PRKG1: variants seen among roughly 807,000 people sequenced by gnomAD.
PRKG1 encodes the protein protein kinase cGMP-dependent 1.
PRKG1 carries 35 observed loss-of-function variants against 88.1 expected under a neutral mutation model. The observed-to-expected ratio is 0.40, with a 90% CI of 0.30 to 0.53. The LOEUF (loss-of-function observed/expected upper bound fraction) is 0.53, where lower values mean the gene tolerates loss of function less well. PRKG1 is among the 20% of genes least tolerant of loss of function. The probability of loss-of-function intolerance (pLI) is 0.59; values close to 1 mark genes in which losing one functional copy is unlikely to be tolerated. For missense variants in PRKG1, 540 were observed against 839.8 expected, an observed-to-expected ratio of 0.64 and a Z score of 4.41; for synonymous variants, 303 against 292.5, an observed-to-expected ratio of 1.04 and a Z score of -0.37.
chr10:51,875,836 C>T (rs1289020864), intron 4 of PRKG1, among the ~76,000 whole-genome samples: 1 of 151,998 alleles, frequency 6.6e-6, no homozygotes, highest in Non-Finnish European at 1.5e-5. Context: ...TTCTTCAAGT[C>T]GTTGTGGCCA....
intron 3 of PRKG1, among the ~76,000 whole-genome samples, chr10:51,650,957 G>A (rs1028990571): frequency 6.6e-6 from 1 of 152,136 alleles, no homozygotes; most frequent in Non-Finnish European, 1.5e-5. Flanking sequence ...CTCAACTGGG[G>A]GCGATTGTAC....
intron 2 of PRKG1, among the ~76,000 whole-genome samples, chr10:51,353,329 G>A (rs1267168832): frequency 1.3e-5 from 2 of 152,048 alleles, no homozygotes. Flanking sequence ...CTTCTGCACA[G>A]CAAAAGAAAC....
intron 1 of PRKG1, among the ~76,000 whole-genome samples, chr10:51,051,982 A>G (rs965121398): frequency 1.3e-5 from 2 of 152,178 alleles, no homozygotes; most frequent in Admixed American, 1.3e-4. Context: ...CTTAAAATGC[A>G]AGTTACTATT....
chr10:51,452,561 G>C lies in PRKG1; in HGVS notation c.479-15162G>C, dbSNP rs553470815. 3.9e-5 allele frequency among the ~76,000 whole-genome samples: 6 copies of C among 152,030 alleles called. No individual in the cohort carries two copies. In the South Asian group the frequency reaches 1.2e-3, roughly 32 times the overall value. ...CTGTTGAGATGATCATATGATTTTT[G>C]TTTTTAATTCTGCTTATGTGATATA... is the stretch of plus-strand genomic sequence containing the variant. On this transcript the variant is annotated intron_variant, in intron 2 of 17. Transcript: ENST00000373980.
At chr10:52,044,494 A>G (rs950921424) in intron 5 of PRKG1, among the ~76,000 whole-genome samples, 7 of 152,188 alleles carry the variant, frequency 4.6e-5, no homozygotes, top group African/African-American at 1.7e-4. Flanking sequence ...ACTAAGAATG[A>G]TTTGATGTAG....
At chr10:51,637,683 CT>C (rs1839692784) in intron 3 of PRKG1, among the ~76,000 whole-genome samples, 1 of 152,132 alleles carries the variant, frequency 6.6e-6, no homozygotes, top group East Asian at 1.9e-4. Flanking sequence ...AAACCAAATA[CT>C]GCATGTTCTC....
At chr10:52,122,980 T>A (rs1847854603) in intron 7 of PRKG1, among the ~76,000 whole-genome samples, 1 of 152,210 alleles carries the variant, frequency 6.6e-6, no homozygotes, top group African/African-American at 2.4e-5. Context: ...AATTACTTTT[T>A]CTTCCCCTTT....
At chr10:51,327,633 T>TTG (rs1841626390) in intron 2 of PRKG1, among the ~76,000 whole-genome samples, 1 of 152,196 alleles carries the variant, frequency 6.6e-6, no homozygotes, top group Non-Finnish European at 1.5e-5. Context: ...CTGGATGCTA[T>TTG]AACCTACTAC....
At chr10:52,072,701 C>T (rs571124751) in intron 7 of PRKG1, among the ~76,000 whole-genome samples, 13 of 152,240 alleles carry the variant, frequency 8.5e-5, no homozygotes, top group Admixed American at 7.9e-4. Flanking sequence ...CTCATAATAA[C>T]GAATCCTGTT....
At chr10:51,019,660 TA>T (rs1332789286) in intron 1 of PRKG1, among the ~76,000 whole-genome samples, 1 of 151,296 alleles carries the variant, frequency 6.6e-6, no homozygotes, top group Non-Finnish European at 1.5e-5. Flanking sequence ...TCATGAAAAT[TA>T]AAAAAAATTG....
intron 4 of PRKG1, among the ~76,000 whole-genome samples, chr10:51,847,263 A>G (rs1020950106): frequency 2.0e-5 from 3 of 152,226 alleles, no homozygotes; most frequent in African/African-American, 7.2e-5. Context: ...TGAACTAAAC[A>G]ATGCTACTTG....
chr10:51,040,074 C>T (rs949550179), intron 1 of PRKG1, among the ~76,000 whole-genome samples: 5 of 151,742 alleles, frequency 3.3e-5, no homozygotes, highest in African/African-American at 1.2e-4. Flanking sequence ...TTTATGGTTC[C>T]GTATAAAGTT....
chr10:51,203,060 A>C (rs1351008940), intron 2 of PRKG1, among the ~76,000 whole-genome samples: 1 of 152,026 alleles, frequency 6.6e-6, no homozygotes, highest in Non-Finnish European at 1.5e-5. Flanking sequence ...TAGGAGTAGA[A>C]CTCATAAGAC....
At chr10:51,819,503 C>G (rs1839687410) in intron 4 of PRKG1, among the ~76,000 whole-genome samples, 1 of 152,124 alleles carries the variant, frequency 6.6e-6, no homozygotes, top group South Asian at 2.1e-4. Context: ...CTATTTTGGT[C>G]CAAGAACCTG....
chr10:51,778,282 A>T (rs564022220), intron 3 of PRKG1, among the ~76,000 whole-genome samples: 1 of 152,112 alleles, frequency 6.6e-6, no homozygotes, highest in Non-Finnish European at 1.5e-5. Context: ...TTAGGTCTTT[A>T]TAGGGGTTCT....
chr10:52,279,798 C>T (rs1339026995), intron 12 of PRKG1, among the ~76,000 whole-genome samples: 2 of 151,630 alleles, frequency 1.3e-5, no homozygotes, highest in African/African-American at 2.4e-5. Flanking sequence ...CCACCTCAGG[C>T]GCTGATGTTC....
At chr10:51,897,507 T>A (rs1841880815) in intron 4 of PRKG1, among the ~76,000 whole-genome samples, 1 of 152,202 alleles carries the variant, frequency 6.6e-6, no homozygotes, top group South Asian at 2.1e-4. Flanking sequence ...GGGCTAAATC[T>A]GATATTCTTT....
At position 51,008,321 on chromosome 10, in the gene PRKG1, T is replaced by G. The variant is rs74133936; in HGVS notation, c.266+16677T>G. Among the ~76,000 whole-genome samples, 206 of 152,322 alleles carry G rather than the reference T, an allele frequency of 1.4e-3. 1 individual carries two copies. The highest frequency in any genetic ancestry group is 4.8e-3 in the African/African-American group (199 of 41,584). On this transcript the variant is annotated intron_variant, in intron 1 of 17. Transcript: ENST00000401604. ...ATATACTGCAAGAAGGGTGACTATATGCATTCATTTCTTAGTTCTGCTGGA... is the reference window on the plus strand; with the variant it reads ...ATATACTGCAAGAAGGGTGACTATAGGCATTCATTTCTTAGTTCTGCTGGA...
intron 9 of PRKG1, among the ~76,000 whole-genome samples, chr10:52,203,599 T>C (rs972720248): frequency 5.3e-5 from 8 of 152,338 alleles, no homozygotes; most frequent in Middle Eastern, 3.4e-3. Flanking sequence ...CAATGATCTA[T>C]CTAACAAGTG....
Sources: allele counts gnomAD v4.1 joint callset (sites outside exome capture counted in the v4.1 genomes callset), GRCh38; gene constraint gnomAD v4.1.1; transcripts MANE v1.5; gene names NCBI Gene and HGNC (gene_info 2026-07-23, HGNC 2026-07-21).